SGCD: variants seen among roughly 807,000 people sequenced by gnomAD.
SGCD encodes the protein delta-sarcoglycan.
Under a neutral mutation model 36.6 loss-of-function variants are expected in SGCD, and 18 were observed. That is an observed-to-expected ratio of 0.49 (90% CI 0.34 to 0.73). The LOEUF is 0.73. Among genes scored for constraint, SGCD ranks in the 30% least tolerant of loss-of-function variants. The probability of loss-of-function intolerance (pLI) is 0.01; values close to 1 mark genes in which losing one functional copy is unlikely to be tolerated. For missense variants in SGCD, 387 were observed against 346.7 expected (o/e 1.12, Z -0.92); for synonymous variants, 133 against 130.6 (o/e 1.02, Z -0.12).
At chr5:156,342,087 T>A (rs540633992) in intron 2 of SGCD, among the ~76,000 whole-genome samples, 1 of 152,332 alleles carries the variant, frequency 6.6e-6, no homozygotes, top group South Asian at 2.1e-4. Flanking sequence ...GTCAAGAGAA[T>A]CACTGCATTC....
At chr5:155,767,593 A>AT in the SGCD span, among the ~76,000 whole-genome samples, 1 of 152,108 alleles carries the variant, frequency 6.6e-6, no homozygotes, top group African/African-American at 2.4e-5. Flanking sequence ...GAGGAGTTGT[A>AT]TTTTTTGTTT....
At chr5:156,678,802 A>T (rs1272058436) in intron 7 of SGCD, among the ~76,000 whole-genome samples, 1 of 152,220 alleles carries the variant, frequency 6.6e-6, no homozygotes, top group African/African-American at 2.4e-5. Flanking sequence ...AACTGAGCAA[A>T]GTGAGCAGTG....
chr5:156,316,294 C>T (rs560749556), intron 3 of SGCD, among the ~76,000 whole-genome samples: 24 of 151,680 alleles, frequency 1.6e-4, no homozygotes, highest in South Asian at 4.2e-4. Flanking sequence ...AAAACATTGG[C>T]GAATGAAATT....
intron 7 of SGCD, among the ~76,000 whole-genome samples, chr5:156,680,607 A>C (rs1011205473): frequency 1.3e-4 from 20 of 152,348 alleles, no homozygotes; most frequent in Admixed American, 1.3e-3. Context: ...TAGATATTAG[A>C]AATGCAGAGA....
chr5:156,364,171 A>C (rs9313897), intron 3 of SGCD, among the ~76,000 whole-genome samples: 13,757 of 152,226 alleles, frequency 0.09, 699 homozygotes, highest in South Asian at 0.19. Context: ...TGCTGGGATT[A>C]TGACAGCAGA....
At chr5:156,577,828 G>C (rs1289775862) in intron 4 of SGCD, among the ~76,000 whole-genome samples, 1 of 152,162 alleles carries the variant, frequency 6.6e-6, no homozygotes, top group Non-Finnish European at 1.5e-5. Context: ...TGAGGCAATG[G>C]GGTTTTCTAA....
intron 7 of SGCD, among the ~76,000 whole-genome samples, chr5:156,669,359 A>AAGCCCCC (rs1753195855): frequency 6.6e-6 from 1 of 152,274 alleles, no homozygotes; most frequent in East Asian, 1.9e-4. Flanking sequence ...GAGGTCACAT[A>AAGCCCCC]AGCCCCCTCC....
intron 3 of SGCD, chr5:156,393,780 T>C: frequency 2.2e-6 from 1 of 456,332 alleles, no homozygotes; most frequent in South Asian, 1.5e-5. Flanking sequence ...GAGATTTAAC[T>C]GGCTATTCAG....
At chr5:155,964,298 T>C (rs1476517588) in intron 1 of SGCD, among the ~76,000 whole-genome samples, 2 of 152,114 alleles carry the variant, frequency 1.3e-5, no homozygotes, top group Non-Finnish European at 2.9e-5. Context: ...AATGTATTAT[T>C]TTGCTCTAAC....
At chr5:156,537,007 A>T (rs1319626261) in intron 4 of SGCD, among the ~76,000 whole-genome samples, 2 of 152,112 alleles carry the variant, frequency 1.3e-5, no homozygotes, top group Admixed American at 6.6e-5. Flanking sequence ...TGGGACTGAT[A>T]AATATTTAAG....
chr5:156,242,268 A>G (rs1287796936), intron 3 of SGCD, among the ~76,000 whole-genome samples: 2 of 152,220 alleles, frequency 1.3e-5, no homozygotes, highest in African/African-American at 2.4e-5. Context: ...AAGGGATAAC[A>G]TCCTTTAAGT....
intron 3 of SGCD, among the ~76,000 whole-genome samples, chr5:156,238,339 G>T (rs958938950): frequency 1.3e-5 from 2 of 152,164 alleles, no homozygotes; most frequent in Non-Finnish European, 1.5e-5. Flanking sequence ...CTTTAGAGTA[G>T]GTGGTATAGA....
chr5:156,682,589 A>G (rs1036438056), intron 7 of SGCD, among the ~76,000 whole-genome samples: 2 of 152,244 alleles, frequency 1.3e-5, no homozygotes, highest in African/African-American at 4.8e-5. Context: ...GGGTTAACAC[A>G]GTGACCAAGA....
At chr5:156,450,807 G>C (rs1214276056) in intron 3 of SGCD, among the ~76,000 whole-genome samples, 1 of 151,962 alleles carries the variant, frequency 6.6e-6, no homozygotes, top group Non-Finnish European at 1.5e-5. Context: ...TTAAATCAGC[G>C]TGTGTGTTTG....
At chr5:156,671,716 T>C (rs1404506126) in intron 7 of SGCD, among the ~76,000 whole-genome samples, 1 of 152,204 alleles carries the variant, frequency 6.6e-6, no homozygotes, top group Non-Finnish European at 1.5e-5. Flanking sequence ...CATTTTGCAT[T>C]GTCATAAAGG....
chr5:156,339,331 T>C (rs1260675325), intron 2 of SGCD, among the ~76,000 whole-genome samples: 1 of 152,220 alleles, frequency 6.6e-6, no homozygotes, highest in Non-Finnish European at 1.5e-5. Context: ...TGAAAATAGT[T>C]TTATGACGAA....
intron 3 of SGCD, among the ~76,000 whole-genome samples, chr5:156,385,218 T>G (rs1430463888): frequency 6.6e-6 from 1 of 152,198 alleles, no homozygotes; most frequent in Non-Finnish European, 1.5e-5. Context: ...CCACCTTTCT[T>G]TTCTAGCTTC....
At chr5:155,844,090 G>GA in the SGCD span, among the ~76,000 whole-genome samples, 3 of 146,240 alleles carry the variant, frequency 2.1e-5, no homozygotes, top group Admixed American at 7.2e-5. Flanking sequence ...TCAAAATTTA[G>GA]AAAAAATGTC....
chr5:156,221,913 G>A (rs544155199), intron 3 of SGCD, among the ~76,000 whole-genome samples: 11 of 152,124 alleles, frequency 7.2e-5, no homozygotes, highest in African/African-American at 2.6e-4. Flanking sequence ...TACTCCAGGG[G>A]TAGGTAAACT....
Sources: gnomAD v4.1 joint callset for allele counts (sites outside exome capture counted in the v4.1 genomes callset) on GRCh38, gnomAD v4.1.1 for gene constraint, MANE v1.5 for transcripts, NCBI Gene and HGNC (gene_info 2026-07-23, HGNC 2026-07-21) for gene names.